Variants in EDN1 observed in about 807,000 individuals in gnomAD.
EDN1 encodes endothelin 1.
In EDN1, 11 loss-of-function variants were observed where a neutral mutation model predicts 21.7. That is an observed-to-expected ratio of 0.51 (90% CI 0.32 to 0.84). The LOEUF (loss-of-function observed/expected upper bound fraction) is 0.84. EDN1 is among the 40% of genes least tolerant of loss of function. The pLI is 0.03. For synonymous variants in EDN1, 85 were observed against 90.6 expected, an observed-to-expected ratio of 0.94 and a Z score of 0.35; for missense variants, 244 against 262.3, an observed-to-expected ratio of 0.93 and a Z score of 0.48.
rs186847861 is a variant in EDN1, at chr6:12,296,273, G to A, written c.*206G>A. The A allele has an allele frequency of 1.6e-5, 9 of 551,798 alleles. No individual in the cohort carries two copies. Among genetic ancestry groups the A allele is most frequent in the Non-Finnish European group, 2.6e-5 (8 of 302,694 alleles). The allele number at this position is 551,798 out of a possible 1,614,324, so 34.2% of individuals were successfully genotyped here. ...TCACTGGCTTCCATCAGTGGTAACT[G>A]CTTTGGTCTCTTCTTTCATCTGGGG... On this transcript the variant is annotated 3_prime_UTR_variant, in exon 5 of 5. Transcript: ENST00000379375.
chr6:12,233,739 C>G, the EDN1 span, among the ~76,000 whole-genome samples: 1 of 152,160 alleles, frequency 6.6e-6, no homozygotes, highest in Non-Finnish European at 1.5e-5. Context: ...GACCTGTACT[C>G]ATAGCTGGAG....
chr6:12,253,987 C>T, the EDN1 span, among the ~76,000 whole-genome samples: 38,303 of 151,896 alleles, frequency 0.25, 6,741 homozygotes, highest in African/African-American at 0.5. Context: ...TGGCCTTCTA[C>T]CTCAACCCTC....
the EDN1 span, among the ~76,000 whole-genome samples, chr6:12,243,872 A>T: frequency 6.6e-6 from 1 of 152,208 alleles, no homozygotes; most frequent in Non-Finnish European, 1.5e-5. Context: ...CTTATGTTGG[A>T]TATAACCTAA....
At chr6:12,261,039 A>G in the EDN1 span, among the ~76,000 whole-genome samples, 3,751 of 152,316 alleles carry the variant, frequency 0.025, 145 homozygotes, top group African/African-American at 0.083. Context: ...TGCTTCTAAG[A>G]AAATAATCAG....
the EDN1 span, among the ~76,000 whole-genome samples, chr6:12,284,681 A>AGAAC: frequency 6.6e-6 from 1 of 150,858 alleles, no homozygotes. Context: ...AAAGAAAGAA[A>AGAAC]GAAAGAGAGA....
intron 2 of EDN1, among the ~76,000 whole-genome samples, chr6:12,293,676 G>T (rs1391495294): frequency 6.6e-6 from 1 of 152,214 alleles, no homozygotes; most frequent in Non-Finnish European, 1.5e-5. Context: ...TGTTGCTTGT[G>T]TCAAGAAGAA....
chr6:12,277,573 A>C, the EDN1 span, among the ~76,000 whole-genome samples: 2 of 152,352 alleles, frequency 1.3e-5, no homozygotes, highest in Admixed American at 1.3e-4. Context: ...AAAACAATGG[A>C]TAGAATTACT....
the EDN1 span, among the ~76,000 whole-genome samples, chr6:12,283,611 T>A: frequency 6.6e-6 from 1 of 152,256 alleles, no homozygotes; most frequent in East Asian, 1.9e-4. Flanking sequence ...TGGCAAATTT[T>A]AGCATCTTCC....
At chr6:12,258,969 T>C in the EDN1 span, among the ~76,000 whole-genome samples, 1 of 152,172 alleles carries the variant, frequency 6.6e-6, no homozygotes, top group Non-Finnish European at 1.5e-5. Flanking sequence ...ATTAAACTAC[T>C]AAAAATGTTA....
At chr6:12,270,412 A>G in the EDN1 span, among the ~76,000 whole-genome samples, 1 of 151,948 alleles carries the variant, frequency 6.6e-6, no homozygotes, top group African/African-American at 2.4e-5. Flanking sequence ...ATAGATGTTA[A>G]TTGCTATATA....
chr6:12,281,041 A>G, the EDN1 span, among the ~76,000 whole-genome samples: 4 of 152,252 alleles, frequency 2.6e-5, no homozygotes, highest in Non-Finnish European at 2.9e-5. Flanking sequence ...TGCCTACTTC[A>G]TAGCTCAAGT....
chr6:12,256,592 G>A, the EDN1 span, among the ~76,000 whole-genome samples: 2 of 152,130 alleles, frequency 1.3e-5, no homozygotes, highest in African/African-American at 4.8e-5. Context: ...CTTCCCAAGA[G>A]GCCAAAAGCA....
At position 12,290,467 on chromosome 6, in the gene EDN1, C is replaced by A; in HGVS notation, c.-163C>A. The A allele has an allele frequency of 1.5e-6, 1 of 653,208 alleles. No homozygotes were observed. Among genetic ancestry groups the A allele is most frequent in the Non-Finnish European group, 2.7e-6 (1 of 370,298 alleles). 40.5% of individuals were successfully genotyped at this position (653,208 alleles called of 1,614,324 possible). A position where few individuals can be genotyped will look rare whatever the true frequency, so the allele number is the denominator to read the frequency against. On this transcript the variant is annotated 5_prime_UTR_variant, in exon 1 of 5. Coordinates refer to ENST00000379375, the MANE Select transcript of EDN1 (RefSeq NM_001955.5). Reference sequence around the variant, plus strand: ...AGACGCTCCGCTCGCTGCCTTCTCTCCTGGCAGGCGCTGCCTTTTCTCCCC... The same window carrying A: ...AGACGCTCCGCTCGCTGCCTTCTCTACTGGCAGGCGCTGCCTTTTCTCCCC...
chr6:12,267,656 G>A, the EDN1 span, among the ~76,000 whole-genome samples: 9 of 152,304 alleles, frequency 5.9e-5, no homozygotes, highest in East Asian at 5.8e-4. Flanking sequence ...AGCAGCAAGC[G>A]TTAATGTAGA....
In EDN1 at chr6:12,292,026, C is replaced by T. The variant is rs531812680; in HGVS notation, c.65-315C>T. On this transcript the variant is annotated intron_variant, in intron 1 of 4. Coordinates refer to ENST00000379375, the MANE Select transcript of EDN1 (RefSeq NM_001955.5). ...AGAAGCCAGCCGGATTTTCAACAGGCAGCATTCCACAGCATTTCCCTGAGC... is the reference window on the plus strand; with the variant it reads ...AGAAGCCAGCCGGATTTTCAACAGGTAGCATTCCACAGCATTTCCCTGAGC... 1.1e-3 allele frequency among the ~76,000 whole-genome samples: 169 copies of T among 152,252 alleles called. 1 individual carries two copies. Among genetic ancestry groups the T allele is most frequent in the African/African-American group, 3.7e-3 (154 of 41,546 alleles).
At position 12,296,097 on chromosome 6, in the gene EDN1, G is replaced by A. The variant is rs1280113858; in HGVS notation, c.*30G>A. On this transcript the variant is annotated 3_prime_UTR_variant, in exon 5 of 5. Coordinates refer to ENST00000379375, the MANE Select transcript of EDN1 (RefSeq NM_001955.5). ...CCTTCGGGGCCTGTCTGAAGCCATA[G>A]CCTCCACGGAGAGCCCTGTGGCCGA... The A allele has an allele frequency of 6.2e-7, 1 of 1,600,100 alleles. No homozygotes were observed. Among genetic ancestry groups the A allele is most frequent in the East Asian group, 2.2e-5 (1 of 44,758 alleles).
intron 1 of EDN1, 86 bp from the exon 2 acceptor site, chr6:12,292,255 C>A (rs1036828263): frequency 8.5e-5 from 134 of 1,572,578 alleles, no homozygotes; most frequent in Middle Eastern, 1.7e-4. Flanking sequence ...TTTATCTGCT[C>A]TGCTAGCTCT....
In EDN1 at chr6:12,290,562, A is replaced by G; in HGVS notation, c.-68A>G. On this transcript the variant is annotated 5_prime_UTR_variant, in exon 1 of 5. Coordinates refer to ENST00000379375, the MANE Select transcript of EDN1 (RefSeq NM_001955.5). The stretch of plus-strand genomic sequence containing the variant: ...AACCCGCAGCGCTTTGAGGGACCTG[A>G]AGCTGTTTTTCTTCGTTTTCCTTTG... 7.5e-7 allele frequency: 1 copy of G among 1,333,824 alleles called. No homozygotes were observed. Among genetic ancestry groups the G allele is most frequent in the Non-Finnish European group, 1.1e-6 (1 of 926,136 alleles). 82.6% of individuals were successfully genotyped at this position (1,333,824 alleles called of 1,614,324 possible).
At position 12,294,920 on chromosome 6, in the gene EDN1, C is replaced by CT. The variant is rs61701314; in HGVS notation, c.533+536dup. Among the ~76,000 whole-genome samples, 258 of 107,632 alleles carry CT rather than the reference C, an allele frequency of 2.4e-3. 3 individuals carry two copies. Among genetic ancestry groups the CT allele is most frequent in the Non-Finnish European group, 3.4e-3 (193 of 56,294 alleles). The allele number at this position is 107,632 out of a possible 152,430, so 70.6% of individuals were successfully genotyped here. ...ACATGCTGTTTTTCAGGTTTATGGTCTTTTTTTTTTTTTTTTTTTTAAATA... is the reference window on the plus strand; with the variant it reads ...ACATGCTGTTTTTCAGGTTTATGGTCTTTTTTTTTTTTTTTTTTTTTAAATA... On this transcript the variant is annotated intron_variant, in intron 4 of 4. Coordinates refer to ENST00000379375, the MANE Select transcript of EDN1 (RefSeq NM_001955.5).
Sources: allele counts gnomAD v4.1 joint callset (sites outside exome capture counted in the v4.1 genomes callset), GRCh38; gene constraint gnomAD v4.1.1; transcripts MANE v1.5; gene names NCBI Gene and HGNC (gene_info 2026-07-23, HGNC 2026-07-21).